The following EPS15 variants were observed in gnomAD, a reference collection of about 807,000 sequenced individuals.
EPS15 encodes epidermal growth factor receptor pathway substrate 15, also known as epidermal growth factor receptor substrate 15.
A neutral mutation model predicts 113.8 loss-of-function variants in EPS15; 72 were observed. That is an observed-to-expected ratio of 0.63 (90% confidence interval 0.52 to 0.77). The LOEUF is 0.77. Among genes scored for constraint, EPS15 ranks in the 30% least tolerant of loss-of-function variants. The pLI is 0.00. For synonymous variants in EPS15, 344 were observed against 363.4 expected (o/e 0.95, Z 0.61); for missense variants, 1,048 against 1,045.8 (o/e 1.00, Z -0.03).
chr1:51,397,761 A>T (rs940689308), intron 20 of EPS15, among the ~76,000 whole-genome samples: 4 of 152,230 alleles, frequency 2.6e-5, no homozygotes, highest in Non-Finnish European at 5.9e-5. Flanking sequence ...TATTATCTTT[A>T]AAATAATCAA....
chr1:51,500,078 C>T (rs1644386010), intron 1 of EPS15, among the ~76,000 whole-genome samples: 1 of 152,194 alleles, frequency 6.6e-6, no homozygotes, highest in Non-Finnish European at 1.5e-5. Context: ...TTTCATTTAG[C>T]ATAACGTCTT....
intron 12 of EPS15, 87 bp from the exon 13 acceptor site, chr1:51,421,945 T>C: frequency 6.4e-7 from 1 of 1,570,128 alleles, no homozygotes; most frequent in Non-Finnish European, 8.7e-7. Flanking sequence ...CTGAATCGCT[T>C]TTTAAATACA....
chr1:51,357,091 C>A (rs1646233995), intron 24 of EPS15, among the ~76,000 whole-genome samples: 1 of 151,506 alleles, frequency 6.6e-6, no homozygotes, highest in African/African-American at 2.4e-5. Flanking sequence ...GTTAAAAATG[C>A]CACTAGGCTA....
At chr1:51,490,468 G>GTA in intron 1 of EPS15, 1 of 240,932 alleles carries the variant, frequency 4.2e-6, no homozygotes, top group Non-Finnish European at 8.5e-6. Flanking sequence ...GGGAGGCTGA[G>GTA]GCAGGAGAAT....
chr1:51,496,256 G>T (rs549936285), intron 1 of EPS15, among the ~76,000 whole-genome samples: 1 of 152,244 alleles, frequency 6.6e-6, no homozygotes, highest in South Asian at 2.1e-4. Context: ...TAAAATCCAA[G>T]AAGTCTGATT....
Position 51,476,036 on chromosome 1 carries a change from C to T in EPS15, c.76-3088G>A, listed in dbSNP as rs564305771. Among the ~76,000 whole-genome samples, 8 of 152,214 alleles carry T rather than the reference C, an allele frequency of 5.3e-5. No individual in the cohort carries two copies. In the South Asian group the frequency reaches 1.5e-3, roughly 28 times the overall value. On this transcript the variant is annotated intron_variant, in intron 2 of 24. Transcript: ENST00000371733. ...GAGGGCTCTGCTCTGTTCCATTGGT[C>T]TATATCTCTGTTTTGGTACTAGTCC...
At position 51,501,164 on chromosome 1, in the gene EPS15, T is replaced by C. The variant is rs531345531; in HGVS notation, c.33+18035A>G. Among the ~76,000 whole-genome samples, 165 of 152,102 alleles carry C rather than the reference T, an allele frequency of 1.1e-3. 1 individual carries two copies. Among genetic ancestry groups the C allele is most frequent in the African/African-American group, 3.9e-3 (163 of 41,520 alleles). The stretch of plus-strand genomic sequence containing the variant: ...GGCTCACGCCTGTAATCCCAGCACT[T>C]TGAGAGCCCGAGGCGGGCAGATCAC... On this transcript the variant is annotated intron_variant, in intron 1 of 24. Coordinates refer to ENST00000371733, the MANE Select transcript of EPS15 (RefSeq NM_001981.3).
At chr1:51,413,825 T>G (rs759827169) in intron 13 of EPS15, among the ~76,000 whole-genome samples, 4 of 152,148 alleles carry the variant, frequency 2.6e-5, no homozygotes, top group Non-Finnish European at 5.9e-5. Flanking sequence ...CACGGCTCAC[T>G]GTAGCTTCAA....
At chr1:51,439,343 A>G (rs796483781) in intron 12 of EPS15, among the ~76,000 whole-genome samples, 1 of 152,254 alleles carries the variant, frequency 6.6e-6, no homozygotes, top group East Asian at 1.9e-4. Context: ...ATCTCAACAT[A>G]GTCTCACAGA....
chr1:51,481,271 A>G lies in EPS15; in HGVS notation c.75+2T>C. 7.3e-7 allele frequency: 1 copy of G among 1,364,588 alleles called. No individual in the cohort carries two copies. Among genetic ancestry groups the G allele is most frequent in the Non-Finnish European group, 1.0e-6 (1 of 955,772 alleles). The allele number at this position is 1,364,588 out of a possible 1,614,324, so 84.5% of individuals were successfully genotyped here. On this transcript the variant is annotated splice_donor_variant, in intron 2 of 24. Coordinates refer to ENST00000371733, the MANE Select transcript of EPS15 (RefSeq NM_001981.3). LOFTEE classifies it high-confidence loss of function. ...AGGCAAACAATGAAACAAAAATCTT[A>G]CCTGTCTATAGTATTTTTCATATAC...
intron 4 of EPS15, among the ~76,000 whole-genome samples, chr1:51,469,648 A>C (rs1284174316): frequency 6.6e-6 from 1 of 152,084 alleles, no homozygotes; most frequent in Non-Finnish European, 1.5e-5. Flanking sequence ...CATACCCTTC[A>C]TACCCAATTC....
At chr1:51,474,019 C>T (rs1329297782) in intron 2 of EPS15, among the ~76,000 whole-genome samples, 1 of 152,160 alleles carries the variant, frequency 6.6e-6, no homozygotes, top group Non-Finnish European at 1.5e-5. Context: ...TATCCATACC[C>T]AACACAGCCT....
At chr1:51,429,643 GTTTTTT>G (rs57230294) in intron 12 of EPS15, among the ~76,000 whole-genome samples, 1 of 129,966 alleles carries the variant, frequency 7.7e-6, no homozygotes, top group African/African-American at 2.7e-5. Flanking sequence ...GTTGTTGTTG[GTTTTTT>G]TTTTTTTTTT....
At chr1:51,488,487 A>C (rs190541003) in intron 1 of EPS15, among the ~76,000 whole-genome samples, 187 of 149,174 alleles carry the variant, frequency 1.3e-3, no homozygotes, top group African/African-American at 4.2e-3. Flanking sequence ...AAAAAAAAAA[A>C]AAAAAAAAAC....
At chr1:51,431,386 C>T (rs61782077) in intron 12 of EPS15, among the ~76,000 whole-genome samples, 5,486 of 151,918 alleles carry the variant, frequency 0.036, 140 homozygotes, top group Non-Finnish European at 0.055. Context: ...TGACAAAGCA[C>T]ACCCCCTTAG....
At chr1:51,490,622 A>G (rs1644216151) in intron 1 of EPS15, among the ~76,000 whole-genome samples, 1 of 151,982 alleles carries the variant, frequency 6.6e-6, no homozygotes, top group Admixed American at 6.6e-5. Context: ...AACCTCTAAA[A>G]CATAATGCCA....
intron 21 of EPS15, among the ~76,000 whole-genome samples, chr1:51,373,402 G>C (rs935893778): frequency 6.6e-6 from 1 of 152,188 alleles, no homozygotes; most frequent in African/African-American, 2.4e-5. Context: ...TATGAGTTGA[G>C]GATAAGATAG....
intron 21 of EPS15, among the ~76,000 whole-genome samples, chr1:51,385,990 A>G (rs1216445646): frequency 3.3e-5 from 5 of 152,192 alleles, no homozygotes; most frequent in Non-Finnish European, 5.9e-5. Flanking sequence ...GAATGTACTT[A>G]ATGCTCGTGA....
At chr1:51,374,387 C>CGGGT (rs772503550) in intron 21 of EPS15, among the ~76,000 whole-genome samples, 6 of 152,110 alleles carry the variant, frequency 3.9e-5, no homozygotes, top group Non-Finnish European at 5.9e-5. Flanking sequence ...GAGGCTAAGG[C>CGGGT]GGGTGGATCA....
Sources: gnomAD v4.1 joint callset for allele counts (sites outside exome capture counted in the v4.1 genomes callset) on GRCh38, gnomAD v4.1.1 for gene constraint, MANE v1.5 for transcripts, NCBI Gene and HGNC (gene_info 2026-07-23, HGNC 2026-07-21) for gene names.